MAST4: variants seen among roughly 807,000 people sequenced by gnomAD.
The protein encoded by MAST4 is microtubule associated serine/threonine kinase family member 4, also known as microtubule-associated serine/threonine-protein kinase 4.
Under a neutral mutation model 162.7 loss-of-function variants are expected in MAST4, and 89 were observed. The ratio of observed to expected loss-of-function variants is 0.55; its 90% CI spans 0.46 to 0.65. The LOEUF is 0.65. MAST4 is among the 30% of genes least tolerant of loss of function. The pLI is 0.00. For synonymous variants in MAST4, 1,479 were observed against 1,361.1 expected, an observed-to-expected ratio of 1.09 and a Z score of -1.91; for missense variants, 3,153 against 3,374.0, an observed-to-expected ratio of 0.93 and a Z score of 1.62.
intron 15 of MAST4, 70 bp from the exon 16 acceptor site, chr5:67,131,743 T>C: frequency 6.6e-7 from 1 of 1,505,828 alleles, no homozygotes. Context: ...CTTGAAATTC[T>C]GCAGTCTAAA....
At position 67,104,215 on chromosome 5, in the gene MAST4, C is replaced by T. The variant is rs922047956; in HGVS notation, c.1147-151C>T. Reference sequence around the variant, plus strand: ...TGACATGTATGTACCATTATTTTATCAGAAGTGAGGCTTCTTTTAAATTTG... The same window carrying T: ...TGACATGTATGTACCATTATTTTATTAGAAGTGAGGCTTCTTTTAAATTTG... On this transcript the variant is annotated intron_variant, in intron 9 of 28. Coordinates refer to ENST00000403625, the MANE Select transcript of MAST4 (RefSeq NM_001164664.2). 1.1e-5 allele frequency: 7 copies of T among 638,906 alleles called. No homozygotes were observed. In the African/African-American group the frequency reaches 1.3e-4, roughly 12 times the overall value. 39.6% of individuals were successfully genotyped at this position (638,906 alleles called of 1,614,324 possible).
intron 5 of MAST4, among the ~76,000 whole-genome samples, chr5:67,061,625 G>T (rs2150596375): frequency 1.3e-5 from 2 of 150,932 alleles, no homozygotes; most frequent in South Asian, 2.1e-4. Context: ...TTGTTGTTAT[G>T]TATAGTTGTA....
intron 1 of MAST4, among the ~76,000 whole-genome samples, chr5:66,757,185 G>C (rs1267034610): frequency 6.6e-6 from 1 of 152,042 alleles, no homozygotes; most frequent in Non-Finnish European, 1.5e-5. Context: ...AATTCTACAA[G>C]CTGAAAAAAT....
chr5:66,883,101 A>G (rs1034143941), intron 3 of MAST4, among the ~76,000 whole-genome samples: 1 of 152,238 alleles, frequency 6.6e-6, no homozygotes, highest in Non-Finnish European at 1.5e-5. Context: ...AAATTCCAGA[A>G]ATGGGCAAAC....
rs561897801 is a variant in MAST4 at position 66,710,494 on chromosome 5, G to A, written c.364-49215G>A. ...CTTCCTTAGATGTGGGTCTATAGAC[G>A]CACGTTACATCTTCCGTAGCCCAGG... On this transcript the variant is annotated intron_variant, in intron 1 of 28. Coordinates refer to ENST00000403625, the MANE Select transcript of MAST4 (RefSeq NM_001164664.2). Among the ~76,000 whole-genome samples the A allele has an allele frequency of 4.1e-4, 62 of 152,126 alleles. No homozygotes were observed. In the South Asian group the frequency reaches 0.012, roughly 31 times the overall value.
chr5:67,051,375 AGT>A (rs922400664), intron 4 of MAST4, among the ~76,000 whole-genome samples: 2 of 152,130 alleles, frequency 1.3e-5, no homozygotes, highest in Non-Finnish European at 2.9e-5. Context: ...TGGGCAGGAA[AGT>A]GTGTGATACC....
chr5:67,068,408 G>C (rs1269336218), intron 5 of MAST4, among the ~76,000 whole-genome samples: 1 of 152,192 alleles, frequency 6.6e-6, no homozygotes, highest in African/African-American at 2.4e-5. Flanking sequence ...CGGCAGGAAA[G>C]AGTGAGAGCA....
intron 3 of MAST4, among the ~76,000 whole-genome samples, chr5:66,895,698 T>G (rs1200156946): frequency 6.6e-6 from 1 of 152,170 alleles, no homozygotes; most frequent in Non-Finnish European, 1.5e-5. Flanking sequence ...ACAGTATTTC[T>G]ATAGCTTCCT....
At chr5:66,644,424 T>G (rs1352469327) in intron 1 of MAST4, among the ~76,000 whole-genome samples, 4 of 152,224 alleles carry the variant, frequency 2.6e-5, no homozygotes, top group Non-Finnish European at 5.9e-5. Flanking sequence ...GTTCATACAT[T>G]CCCACCATTT....
intron 3 of MAST4, among the ~76,000 whole-genome samples, chr5:66,837,969 C>T (rs1758146046): frequency 7.1e-6 from 1 of 140,342 alleles, no homozygotes; most frequent in African/African-American, 2.7e-5. Flanking sequence ...GTTTGTTGAG[C>T]TTCCAAATAA....
At chr5:66,597,549 C>G (rs1742275283) in intron 1 of MAST4, among the ~76,000 whole-genome samples, 1 of 152,138 alleles carries the variant, frequency 6.6e-6, no homozygotes, top group Non-Finnish European at 1.5e-5. Context: ...TTTGGCGCGT[C>G]CCCGCAGCGT....
intron 12 of MAST4, among the ~76,000 whole-genome samples, chr5:67,115,984 C>T (rs1313535913): frequency 6.6e-6 from 1 of 152,014 alleles, no homozygotes; most frequent in Non-Finnish European, 1.5e-5. Context: ...GAATTGTGGA[C>T]CCAGTGAGTT....
chr5:66,807,711 T>C (rs1208975807), intron 3 of MAST4, among the ~76,000 whole-genome samples: 1 of 152,190 alleles, frequency 6.6e-6, no homozygotes, highest in African/African-American at 2.4e-5. Context: ...ATGGGAACCG[T>C]AGGGCTAAAG....
At chr5:67,014,951 G>A (rs540133710) in intron 4 of MAST4, among the ~76,000 whole-genome samples, 1 of 152,204 alleles carries the variant, frequency 6.6e-6, no homozygotes, top group South Asian at 2.1e-4. Flanking sequence ...GTGATTTAGA[G>A]GTCAAAGAGA....
chr5:66,791,673 T>A (rs1755415769), intron 3 of MAST4, among the ~76,000 whole-genome samples: 1 of 152,290 alleles, frequency 6.6e-6, no homozygotes, highest in Admixed American at 6.5e-5. Context: ...TTATTTCTGT[T>A]GTTGTTATTG....
At chr5:66,617,863 G>T (rs1438197985) in intron 1 of MAST4, among the ~76,000 whole-genome samples, 4 of 152,190 alleles carry the variant, frequency 2.6e-5, no homozygotes, top group East Asian at 1.9e-4. Flanking sequence ...CAATGCTCAG[G>T]AAGGCCAGGA....
intron 5 of MAST4, 97 bp from the exon 6 acceptor site, chr5:67,090,065 A>G (rs2150787969): frequency 2.2e-6 from 2 of 918,524 alleles, no homozygotes; most frequent in Non-Finnish European, 3.4e-6. Context: ...GACATTCTAC[A>G]GAAATGTAAA....
chr5:66,807,055 A>G (rs1756222535), intron 3 of MAST4, among the ~76,000 whole-genome samples: 1 of 152,222 alleles, frequency 6.6e-6, no homozygotes, highest in Admixed American at 6.5e-5. Flanking sequence ...TTGTGGGTAC[A>G]TAATAGGTGC....
chr5:66,981,511 C>T lies in MAST4; in HGVS notation c.675-72893C>T, dbSNP rs554547397. Among the ~76,000 whole-genome samples the T allele has an allele frequency of 6.6e-5, 10 of 152,280 alleles. No individual in the cohort carries two copies. The East Asian group carries it at 1.2e-3, about 18-fold the overall frequency. The stretch of plus-strand genomic sequence containing the variant: ...GATGGAAGGATGGGGGTGGGGATGG[C>T]AGCACCTGCGCCAGGGATTTGCCAA... On this transcript the variant is annotated intron_variant, in intron 4 of 28. Coordinates refer to ENST00000403625, the MANE Select transcript of MAST4 (RefSeq NM_001164664.2).
Sources: allele counts gnomAD v4.1 joint callset (sites outside exome capture counted in the v4.1 genomes callset), GRCh38; gene constraint gnomAD v4.1.1; transcripts MANE v1.5; gene names NCBI Gene and HGNC (gene_info 2026-07-23, HGNC 2026-07-21).